The following GPATCH2 variants were observed in gnomAD, a reference collection of about 807,000 sequenced individuals.
GPATCH2 encodes the protein G patch domain-containing protein 2.
Under a neutral mutation model 58.0 loss-of-function variants are expected in GPATCH2, and 51 were observed. The ratio of observed to expected loss-of-function variants is 0.88; its 90% confidence interval spans 0.70 to 1.11. The LOEUF is 1.11. Ranked by LOEUF, GPATCH2 falls within the 50% of genes most tolerant of loss-of-function variation. The pLI is 0.00. For missense variants in GPATCH2, 625 were observed against 652.2 expected, an observed-to-expected ratio of 0.96 and a Z score of 0.45; for synonymous variants, 222 against 218.5, an observed-to-expected ratio of 1.02 and a Z score of -0.14.
chr1:217,478,970 A>T (rs899017550), intron 8 of GPATCH2, among the ~76,000 whole-genome samples: 1 of 151,920 alleles, frequency 6.6e-6, no homozygotes, highest in Non-Finnish European at 1.5e-5. Context: ...AGAGAGTGAC[A>T]TGACATATTT....
chr1:217,430,743 T>C lies in GPATCH2; in HGVS notation c.*402A>G, dbSNP rs1173456475. The C allele has an allele frequency of 5.0e-6, 1 of 200,608 alleles. No individual in the cohort carries two copies. Among genetic ancestry groups the C allele is most frequent in the African/African-American group, 2.4e-5 (1 of 42,424 alleles). The allele number at this position is 200,608 out of a possible 1,614,324, so 12.4% of individuals were successfully genotyped here. A position where few individuals can be genotyped will look rare whatever the true frequency, so the allele number is the denominator to read the frequency against. On this transcript the variant is annotated 3_prime_UTR_variant, in exon 10 of 10. Transcript: ENST00000366935. ...TGGGTTACAATAGATAGGGATGATA[T>C]AAAACACAATCTTTTCCTGTCTATT...
Position 217,501,995 on chromosome 1 carries a change from G to A in GPATCH2, c.1167-3600C>T, listed in dbSNP as rs113878969. Among the ~76,000 whole-genome samples, 601 of 151,912 alleles carry A rather than the reference G, an allele frequency of 4.0e-3. 2 individuals are homozygous for A. The highest frequency in any genetic ancestry group is 0.014 in the African/African-American group (568 of 41,458). ...TTCCTCCATTGAACAGCTTTTGCAC[G>A]TTTCTCAAAAATCCATTGACTATAC... On this transcript the variant is annotated intron_variant, in intron 6 of 9. Coordinates refer to ENST00000366935, the MANE Select transcript of GPATCH2 (RefSeq NM_018040.5).
intron 5 of GPATCH2, among the ~76,000 whole-genome samples, chr1:217,558,349 A>T (rs1665745147): frequency 6.6e-6 from 1 of 152,200 alleles, no homozygotes; most frequent in African/African-American, 2.4e-5. Context: ...AATACATGTG[A>T]ACTCATGTAT....
intron 5 of GPATCH2, among the ~76,000 whole-genome samples, chr1:217,516,011 T>A (rs1571843279): frequency 1.3e-5 from 2 of 152,094 alleles, no homozygotes; most frequent in East Asian, 3.9e-4. Context: ...CAAAATGCAA[T>A]TTCATCTAAG....
chr1:217,602,502 A>C (rs1464797642), intron 5 of GPATCH2, among the ~76,000 whole-genome samples: 1 of 152,228 alleles, frequency 6.6e-6, no homozygotes, highest in African/African-American at 2.4e-5. Context: ...GGAATATAAG[A>C]AATACAGAGG....
At chr1:217,488,015 C>T (rs538023928) in intron 8 of GPATCH2, among the ~76,000 whole-genome samples, 4 of 152,158 alleles carry the variant, frequency 2.6e-5, no homozygotes, top group Non-Finnish European at 4.4e-5. Flanking sequence ...GTTGGGATTA[C>T]AGGCGTGAGC....
At chr1:217,542,600 G>C (rs78109491) in intron 5 of GPATCH2, among the ~76,000 whole-genome samples, 13,429 of 152,212 alleles carry the variant, frequency 0.088, 866 homozygotes, top group Non-Finnish European at 0.14. Flanking sequence ...ACAGATGGAA[G>C]GCGCCAGATT....
chr1:217,524,592 ACTCCGT>A (rs1663719004), intron 5 of GPATCH2, among the ~76,000 whole-genome samples: 1 of 150,916 alleles, frequency 6.6e-6, no homozygotes, highest in Non-Finnish European at 1.5e-5. Flanking sequence ...AGTGAAGGAG[ACTCCGT>A]CTGCAATCCC....
At chr1:217,582,672 T>A (rs953026539) in intron 5 of GPATCH2, among the ~76,000 whole-genome samples, 17 of 152,136 alleles carry the variant, frequency 1.1e-4, no homozygotes, top group African/African-American at 4.1e-4. Context: ...GTGCTAAATA[T>A]AATGGATTAA....
chr1:217,444,166 A>G (rs546156956), intron 9 of GPATCH2, among the ~76,000 whole-genome samples: 1 of 152,314 alleles, frequency 6.6e-6, no homozygotes, highest in Admixed American at 6.5e-5. Context: ...GAGCCCAGGC[A>G]GAAACAAGAT....
Position 217,620,434 on chromosome 1 carries a change from T to C in GPATCH2, c.122A>G (p.Glu41Gly). 6.2e-7 allele frequency: 1 copy of C among 1,614,108 alleles called. No individual in the cohort carries two copies. The highest frequency in any genetic ancestry group is 8.5e-7 in the Non-Finnish European group (1 of 1,179,986). ...DLVSALEESSEQARGGFAETG... is the reference protein window; with the variant it reads ...DLVSALEESSGQARGGFAETG... ...TTCAGCAAATCCACCTCGAGCTTGC[T>C]CTGAGCTCTCTTCCAATGCTGAGAC... Residue 41 changes from glutamate to glycine, a missense_variant, in exon 2 of 10, where the codon GAG (glutamate) becomes GGG (glycine). Glu to Gly is a moderately conservative substitution (Grantham distance 98). Transcript: ENST00000366935.
At chr1:217,484,202 C>G (rs1376586929) in intron 8 of GPATCH2, among the ~76,000 whole-genome samples, 1 of 152,008 alleles carries the variant, frequency 6.6e-6, no homozygotes, top group African/African-American at 2.4e-5. Flanking sequence ...GATTTATCTC[C>G]TAAATGTGGG....
At chr1:217,445,736 C>A (rs1659359011) in intron 9 of GPATCH2, among the ~76,000 whole-genome samples, 1 of 152,086 alleles carries the variant, frequency 6.6e-6, no homozygotes. Flanking sequence ...AGCTAAAGCA[C>A]TGAAATAAAT....
chr1:217,542,624 A>G (rs1020962640), intron 5 of GPATCH2, among the ~76,000 whole-genome samples: 1 of 152,192 alleles, frequency 6.6e-6, no homozygotes, highest in Non-Finnish European at 1.5e-5. Flanking sequence ...GACCAAAGCC[A>G]TCCTTTAAGC....
Position 217,431,180 on chromosome 1 carries a change from C to A in GPATCH2, c.1552G>T (p.Ala518Ser), listed in dbSNP as rs150141050. The A allele has an allele frequency of 1.6e-5, 26 of 1,596,032 alleles. No individual in the cohort carries two copies. In the East Asian group the frequency reaches 4.9e-4, roughly 30 times the overall value. Residue 518 changes from alanine (A) to serine (S), a missense_variant, in exon 10 of 10, where the codon GCA (alanine) becomes TCA (serine). Transcript: ENST00000366935. ...TTTCCTGCATTGGGGGTAGTAGTTGCGGAAGTACTTTTTGGTAGAGGAAAT... is the reference window on the plus strand; with the variant it reads ...TTTCCTGCATTGGGGGTAGTAGTTGAGGAAGTACTTTTTGGTAGAGGAAAT... ...LGFPLPKSTS[A>S]TTTPNAGKSA
intron 5 of GPATCH2, among the ~76,000 whole-genome samples, chr1:217,530,893 C>T (rs991187164): frequency 4.6e-5 from 7 of 151,870 alleles, no homozygotes; most frequent in Admixed American, 2.0e-4. Flanking sequence ...CTATAATAAT[C>T]GTCTCTAAAT....
At chr1:217,443,726 T>A (rs1659254113) in intron 9 of GPATCH2, among the ~76,000 whole-genome samples, 1 of 152,164 alleles carries the variant, frequency 6.6e-6, no homozygotes, top group African/African-American at 2.4e-5. Flanking sequence ...GTGCTGCTTT[T>A]ATGTAGCATA....
chr1:217,505,221 T>C (rs1662492396), intron 6 of GPATCH2, among the ~76,000 whole-genome samples: 1 of 152,178 alleles, frequency 6.6e-6, no homozygotes, highest in Non-Finnish European at 1.5e-5. Flanking sequence ...TAGAGAGGTC[T>C]AGGAACTAAG....
Position 217,514,875 on chromosome 1 carries a change from GC to G in GPATCH2, c.1112del (p.Gly371AlafsTer36). 1.3e-6 allele frequency: 2 copies of G among 1,507,432 alleles called. No homozygotes were observed. Among genetic ancestry groups the G allele is most frequent in the Non-Finnish European group, 1.8e-6 (2 of 1,082,956 alleles). 93.4% of individuals were successfully genotyped at this position (1,507,432 alleles called of 1,614,324 possible). A position where few individuals can be genotyped will look rare whatever the true frequency, so the allele number is the denominator to read the frequency against. ...GAACCATTCTCTTGTTACCCACTGG[GC>G]CAGGAATGGGTACCTACAGGGAGAT... ...GTPTSMVPIPGPVGNKRMVHF... is the reference protein window; with the variant it reads ...GTPTSMVPIPXPVGNKRMVHF... On this transcript the variant is annotated frameshift_variant, in exon 6 of 10. Transcript: ENST00000366935. LOFTEE classifies it high-confidence loss of function.
Sources: allele counts gnomAD v4.1 joint callset (sites outside exome capture counted in the v4.1 genomes callset), GRCh38; gene constraint gnomAD v4.1.1; transcripts MANE v1.5; gene names NCBI Gene and HGNC (gene_info 2026-07-23, HGNC 2026-07-21).